PDZRN4: variants seen among roughly 807,000 people sequenced by gnomAD.
PDZRN4 encodes the protein PDZ domain containing ring finger 4, also known as PDZ domain-containing RING finger protein 4.
A neutral mutation model predicts 99.0 loss-of-function variants in PDZRN4; 70 were observed. The ratio of observed to expected loss-of-function variants is 0.71; its 90% CI spans 0.58 to 0.86. The LOEUF is 0.86. Among genes scored for constraint, PDZRN4 ranks in the 40% least tolerant of loss-of-function variants. The probability of loss-of-function intolerance (pLI) is 0.00; values close to 1 mark genes in which losing one functional copy is unlikely to be tolerated. For synonymous variants in PDZRN4, 551 were observed against 501.6 expected, an observed-to-expected ratio of 1.10 and a Z score of -1.32; for missense variants, 1,474 against 1,331.2, an observed-to-expected ratio of 1.11 and a Z score of -1.67.
chr12:41,416,585 A>T (rs1952447188), intron 3 of PDZRN4, among the ~76,000 whole-genome samples: 1 of 152,192 alleles, frequency 6.6e-6, no homozygotes, highest in South Asian at 2.1e-4. Flanking sequence ...TGAACCCAGG[A>T]GGCGGAGGTT....
At chr12:41,261,778 C>T (rs1951241919) in intron 3 of PDZRN4, among the ~76,000 whole-genome samples, 1 of 152,208 alleles carries the variant, frequency 6.6e-6, no homozygotes, top group South Asian at 2.1e-4. Flanking sequence ...CGTGAGCCAC[C>T]GTGCCCGGCC....
At chr12:41,503,227 T>C (rs1449485106) in intron 3 of PDZRN4, among the ~76,000 whole-genome samples, 1 of 152,126 alleles carries the variant, frequency 6.6e-6, no homozygotes, top group African/African-American at 2.4e-5. Flanking sequence ...TGAGAGATAT[T>C]AAATAGCTTA....
At chr12:41,459,995 T>G (rs1041277532) in intron 3 of PDZRN4, 2 of 1,288,224 alleles carry the variant, frequency 1.6e-6, no homozygotes, top group Non-Finnish European at 2.0e-6. Context: ...ATTGAGAAAT[T>G]GCCAGTGTTC....
At chr12:41,522,379 T>TG (rs1340555914) in intron 5 of PDZRN4, among the ~76,000 whole-genome samples, 1 of 152,124 alleles carries the variant, frequency 6.6e-6, no homozygotes, top group African/African-American at 2.4e-5. Context: ...TGGGTTAACT[T>TG]GAAGGTCTAA....
chr12:41,420,215 C>G (rs1378958931), intron 3 of PDZRN4, among the ~76,000 whole-genome samples: 1 of 152,126 alleles, frequency 6.6e-6, no homozygotes, highest in African/African-American at 2.4e-5. Context: ...AATCTTCCTT[C>G]AATCAGTACC....
intron 3 of PDZRN4, among the ~76,000 whole-genome samples, chr12:41,338,205 A>G (rs1349792104): frequency 6.6e-6 from 1 of 152,184 alleles, no homozygotes; most frequent in African/African-American, 2.4e-5. Context: ...AAAAGGATTA[A>G]TATCTATTCT....
At chr12:41,489,416 T>C (rs1937839507) in intron 3 of PDZRN4, among the ~76,000 whole-genome samples, 1 of 152,070 alleles carries the variant, frequency 6.6e-6, no homozygotes, top group African/African-American at 2.4e-5. Flanking sequence ...GTTCTAGCAA[T>C]ATTCAACAAG....
chr12:41,482,367 C>A (rs1038040567), intron 3 of PDZRN4, among the ~76,000 whole-genome samples: 1 of 152,002 alleles, frequency 6.6e-6, no homozygotes, highest in Non-Finnish European at 1.5e-5. Flanking sequence ...AAAGAAAAAT[C>A]TGAAATATTT....
rs10459225 is a variant in PDZRN4, at chr12:41,311,562, A to G, written c.843+117374A>G. Among the ~76,000 whole-genome samples the G allele has an allele frequency of 3.3e-3, 495 of 152,278 alleles. 19 individuals are homozygous for G. The East Asian group carries it at 0.077, about 24-fold the overall frequency. On this transcript the variant is annotated intron_variant, in intron 3 of 9. Transcript: ENST00000402685. ...GACTGAAATATCAGGAACCATTGTG[A>G]TGAAATTAGAAATTATGTCTTTAGT...
Position 41,509,974 on chromosome 12 carries a change from A to T in PDZRN4, c.1203+61A>T, listed in dbSNP as rs1258830452. ...TGAAGTTACGGTTGAGGGGTTTTGTATAACAAAGAAATTAATTTATTACAG... is the reference window on the plus strand; with the variant it reads ...TGAAGTTACGGTTGAGGGGTTTTGTTTAACAAAGAAATTAATTTATTACAG... On this transcript the variant is annotated intron_variant, in intron 5 of 9. Coordinates refer to ENST00000402685, the MANE Select transcript of PDZRN4 (RefSeq NM_001164595.2). 1.0e-5 allele frequency: 8 copies of T among 762,614 alleles called. No individual in the cohort carries two copies. The South Asian group carries it at 1.4e-4, about 13-fold the overall frequency. The allele number at this position is 762,614 out of a possible 1,614,324, so 47.2% of individuals were successfully genotyped here.
chr12:41,564,504 T>C (rs567552837), intron 8 of PDZRN4, among the ~76,000 whole-genome samples: 1 of 152,330 alleles, frequency 6.6e-6, no homozygotes, highest in African/African-American at 2.4e-5. Flanking sequence ...GTTATTGATA[T>C]GATATTTTTC....
intron 7 of PDZRN4, among the ~76,000 whole-genome samples, chr12:41,559,323 C>T (rs1346672507): frequency 6.6e-6 from 1 of 152,196 alleles, no homozygotes; most frequent in East Asian, 1.9e-4. Context: ...AAGGAAAGTT[C>T]TTCCTTTTCA....
chr12:41,446,813 T>C (rs1952732810), intron 3 of PDZRN4, among the ~76,000 whole-genome samples: 1 of 151,582 alleles, frequency 6.6e-6, no homozygotes, highest in African/African-American at 2.4e-5. Context: ...AGACAGTGGA[T>C]ATTATTCCCA....
intron 3 of PDZRN4, among the ~76,000 whole-genome samples, chr12:41,339,916 G>T (rs1205476059): frequency 6.6e-6 from 1 of 151,886 alleles, no homozygotes; most frequent in Admixed American, 6.6e-5. Flanking sequence ...CAAAAAATGG[G>T]CAGTAATGAA....
intron 3 of PDZRN4, among the ~76,000 whole-genome samples, chr12:41,311,997 A>G (rs888609428): frequency 6.6e-6 from 1 of 152,170 alleles, no homozygotes; most frequent in Non-Finnish European, 1.5e-5. Flanking sequence ...TACTTTTTAT[A>G]GCTACCAGGC....
chr12:41,385,679 G>A (rs1952164278), intron 3 of PDZRN4, among the ~76,000 whole-genome samples: 1 of 152,068 alleles, frequency 6.6e-6, no homozygotes, highest in South Asian at 2.1e-4. Context: ...TTAGTAATAA[G>A]TAGCCCACCA....
intron 3 of PDZRN4, among the ~76,000 whole-genome samples, chr12:41,408,435 T>A (rs1952365200): frequency 6.6e-6 from 1 of 152,172 alleles, no homozygotes; most frequent in Non-Finnish European, 1.5e-5. Context: ...AGAGTCCAAG[T>A]TTTCTCAAAG....
chr12:41,449,546 G>T lies in PDZRN4; in HGVS notation c.844-56910G>T, dbSNP rs577923115. Among the ~76,000 whole-genome samples the T allele has an allele frequency of 3.3e-5, 5 of 152,274 alleles. No homozygotes were observed. In the South Asian group the frequency reaches 1.0e-3, roughly 32 times the overall value. On this transcript the variant is annotated intron_variant, in intron 3 of 9. Transcript: ENST00000402685. ...GGGGGTTACTATCCAGCAGACATGG[G>T]TAATGGATGTGCACGCAAATAACTA...
chr12:41,511,970 C>T (rs1380328744), intron 5 of PDZRN4, among the ~76,000 whole-genome samples: 4 of 152,208 alleles, frequency 2.6e-5, no homozygotes, highest in African/African-American at 7.2e-5. Context: ...TTCCTTATAA[C>T]CCTATAGCTC....
Sources: allele counts gnomAD v4.1 joint callset (sites outside exome capture counted in the v4.1 genomes callset), GRCh38; gene constraint gnomAD v4.1.1; transcripts MANE v1.5; gene names NCBI Gene and HGNC (gene_info 2026-07-23, HGNC 2026-07-21).